Variants in ST6GAL2 observed in about 807,000 individuals in gnomAD.
The protein encoded by ST6GAL2 is ST6 beta-galactoside alpha-2,6-sialyltransferase 2, also known as beta-galactoside alpha-2,6-sialyltransferase 2.
ST6GAL2 carries 24 observed loss-of-function variants against 37.5 expected under a neutral mutation model. The ratio of observed to expected loss-of-function variants is 0.64; its 90% CI spans 0.46 to 0.90. The LOEUF is 0.90. ST6GAL2 is among the 40% of genes least tolerant of loss of function. The pLI is 0.00. For synonymous variants in ST6GAL2, 306 were observed against 295.1 expected (o/e 1.04, Z -0.38); for missense variants, 715 against 712.7 (o/e 1.00, Z -0.04).
In ST6GAL2 at chr2:106,876,859, T is replaced by C. The variant is rs558967959; in HGVS notation, c.-58+9234A>G. On this transcript the variant is annotated intron_variant, in intron 1 of 5. Transcript: ENST00000409382. ...CCGGAGTAAACCTGTGCCTTGGAGG[T>C]AGCAGGCGCCACAGCTTCCTCCCTC... Among the ~76,000 whole-genome samples the C allele has an allele frequency of 3.9e-5, 6 of 152,056 alleles. No individual in the cohort carries two copies. The East Asian group carries it at 1.2e-3, about 30-fold the overall frequency.
intron 1 of ST6GAL2, among the ~76,000 whole-genome samples, chr2:106,870,387 G>C (rs972578016): frequency 6.6e-6 from 1 of 152,128 alleles, no homozygotes; most frequent in African/African-American, 2.4e-5. Flanking sequence ...AATGTAAACA[G>C]GTAAACCCAG....
intron 1 of ST6GAL2, among the ~76,000 whole-genome samples, chr2:106,849,671 A>G (rs1677280053): frequency 6.6e-6 from 1 of 152,146 alleles, no homozygotes; most frequent in Non-Finnish European, 1.5e-5. Flanking sequence ...TTAAGTTCCC[A>G]AAAGAGACAT....
In ST6GAL2 at chr2:106,886,084, C is replaced by T. The variant is rs1007426616; in HGVS notation, c.-58+9G>A. Reference sequence around the variant, plus strand: ...GCGTCGCCAACCCTTACCCAGTGCCCTCCCTTACCAGCCTTCTTCCCACGC... The same window carrying T: ...GCGTCGCCAACCCTTACCCAGTGCCTTCCCTTACCAGCCTTCTTCCCACGC... On this transcript the variant is annotated intron_variant, in intron 1 of 5. Transcript: ENST00000409382. 5.9e-5 allele frequency: 9 copies of T among 152,640 alleles called. No individual in the cohort carries two copies. The highest frequency in any genetic ancestry group is 5.2e-4 in the Admixed American group (8 of 15,308). 9.5% of individuals were successfully genotyped at this position (152,640 alleles called of 1,614,324 possible).
chr2:106,853,546 G>A (rs1040088520), intron 1 of ST6GAL2, among the ~76,000 whole-genome samples: 2 of 152,230 alleles, frequency 1.3e-5, no homozygotes, highest in African/African-American at 4.8e-5. Flanking sequence ...AGGTATGGAG[G>A]AGAATCAGTG....
chr2:106,859,572 T>C (rs921282194), intron 1 of ST6GAL2, among the ~76,000 whole-genome samples: 1 of 152,208 alleles, frequency 6.6e-6, no homozygotes, highest in Non-Finnish European at 1.5e-5. Context: ...TCTAAAACTC[T>C]GGTGTTTTTC....
intron 1 of ST6GAL2, among the ~76,000 whole-genome samples, chr2:106,869,111 G>A (rs376331708): frequency 3.9e-5 from 6 of 152,238 alleles, no homozygotes; most frequent in African/African-American, 1.4e-4. Context: ...CAGGGGAGGG[G>A]TGGTGGGCTT....
chr2:106,825,289 T>C (rs1676160293), intron 5 of ST6GAL2, among the ~76,000 whole-genome samples: 1 of 152,240 alleles, frequency 6.6e-6, no homozygotes, highest in Non-Finnish European at 1.5e-5. Context: ...GTTGTGAGGA[T>C]GCCCAAGCAG....
intron 5 of ST6GAL2, among the ~76,000 whole-genome samples, chr2:106,821,450 A>T (rs768177915): frequency 1.3e-5 from 2 of 151,624 alleles, no homozygotes; most frequent in Non-Finnish European, 2.9e-5. Context: ...AGACACATAC[A>T]ATCTAGTAAG....
At chr2:106,838,650 G>A (rs1676744399) in intron 2 of ST6GAL2, among the ~76,000 whole-genome samples, 1 of 152,208 alleles carries the variant, frequency 6.6e-6, no homozygotes, top group Non-Finnish European at 1.5e-5. Context: ...CTCTGCACAT[G>A]TGACTGGAGG....
chr2:106,841,447 C>T (rs987615516), intron 2 of ST6GAL2, among the ~76,000 whole-genome samples: 3 of 152,200 alleles, frequency 2.0e-5, no homozygotes, highest in African/African-American at 7.2e-5. Flanking sequence ...TTGAGGCTGA[C>T]GCTGTATTTG....
Position 106,843,702 on chromosome 2 carries a change from C to T in ST6GAL2, c.276G>A (p.Gly92=), listed in dbSNP as rs1301961965. The change falls in exon 2 of 6, where the codon GGG becomes GGA. Residue 92 remains glycine, a synonymous_variant. Transcript: ENST00000409382. The part of the protein sequence containing the change: ...RAHPAGSFHA[G]PGDLQKWAQS... Reference sequence around the variant, plus strand: ...GGGCCCATTTCTGCAGGTCTCCAGGCCCCGCATGAAAGGAACCGGCTGGGT... The same window carrying T: ...GGGCCCATTTCTGCAGGTCTCCAGGTCCCGCATGAAAGGAACCGGCTGGGT... 1.9e-6 allele frequency: 3 copies of T among 1,613,144 alleles called. No individual in the cohort carries two copies. Among genetic ancestry groups the T allele is most frequent in the Non-Finnish European group, 1.7e-6 (2 of 1,180,006 alleles).
chr2:106,806,990 C>A (rs1161685606), intron 5 of ST6GAL2, 41 bp from the exon 6 acceptor site: 10 of 1,549,316 alleles, frequency 6.5e-6, no homozygotes, highest in South Asian at 1.2e-5. Context: ...TGAACAACTC[C>A]ATGTGAGAGG....
At chr2:106,836,773 C>CAAAAA (rs70956213) in intron 2 of ST6GAL2, among the ~76,000 whole-genome samples, 5 of 70,260 alleles carry the variant, frequency 7.1e-5, no homozygotes, top group East Asian at 4.4e-4. Context: ...ACTAAAAATA[C>CAAAAA]AAAAAAAAAA....
At chr2:106,812,793 T>C (rs1675658947) in intron 5 of ST6GAL2, among the ~76,000 whole-genome samples, 1 of 152,184 alleles carries the variant, frequency 6.6e-6, no homozygotes, top group African/African-American at 2.4e-5. Context: ...TTTTTTTATT[T>C]CCTCTCTTAT....
chr2:106,863,851 G>T (rs1006794862), intron 1 of ST6GAL2, among the ~76,000 whole-genome samples: 6 of 152,154 alleles, frequency 3.9e-5, no homozygotes, highest in African/African-American at 1.4e-4. Flanking sequence ...TCTTACTTGG[G>T]AAGACAGCAC....
intron 2 of ST6GAL2, among the ~76,000 whole-genome samples, chr2:106,837,859 A>G (rs1676711698): frequency 6.6e-6 from 1 of 152,218 alleles, no homozygotes; most frequent in South Asian, 2.1e-4. Flanking sequence ...AGGGCACAGA[A>G]AGATAACGCA....
intron 1 of ST6GAL2, among the ~76,000 whole-genome samples, chr2:106,879,317 T>C (rs1464368726): frequency 2.0e-5 from 3 of 152,138 alleles, no homozygotes; most frequent in African/African-American, 7.2e-5. Flanking sequence ...GTAACAAATG[T>C]TTAGATTTAA....
intron 2 of ST6GAL2, among the ~76,000 whole-genome samples, chr2:106,839,031 A>G (rs1431215022): frequency 1.3e-5 from 2 of 151,614 alleles, no homozygotes; most frequent in African/African-American, 4.9e-5. Context: ...GGGAGACTCC[A>G]TCTCAAAAAA....
rs1675419529 is a variant in ST6GAL2 at position 106,806,549 on chromosome 2, A to G, written c.*129T>C. On this transcript the variant is annotated 3_prime_UTR_variant, in exon 6 of 6. Transcript: ENST00000409382. ...ATGGCTTAGAAAGAGAAGGATTATC[A>G]TGACCACCACTAAATTACTGTTTAA... 2 of 1,022,728 alleles carry G rather than the reference A, an allele frequency of 2.0e-6. No individual in the cohort carries two copies. The highest frequency in any genetic ancestry group is 1.6e-5 in the African/African-American group (1 of 62,832). The allele number at this position is 1,022,728 out of a possible 1,614,324, so 63.4% of individuals were successfully genotyped here.
Sources: allele counts gnomAD v4.1 joint callset (sites outside exome capture counted in the v4.1 genomes callset), GRCh38; gene constraint gnomAD v4.1.1; transcripts MANE v1.5; gene names NCBI Gene and HGNC (gene_info 2026-07-23, HGNC 2026-07-21).